RERE: variants seen among roughly 807,000 people sequenced by gnomAD.
RERE encodes arginine-glutamic acid dipeptide repeats protein.
RERE carries 40 observed loss-of-function variants against 146.1 expected under a neutral mutation model. That is an observed-to-expected ratio of 0.27 (90% CI 0.21 to 0.36). The LOEUF is 0.36. RERE is among the 10% of genes least tolerant of loss of function. RERE has a pLI of 1.00. For missense variants in RERE, 1,933 were observed against 2,138.7 expected, an observed-to-expected ratio of 0.90 and a Z score of 1.90; for synonymous variants, 1,003 against 866.0, an observed-to-expected ratio of 1.16 and a Z score of -2.78.
chr1:8,653,390 G>A (rs1173314629), intron 2 of RERE, among the ~76,000 whole-genome samples: 2 of 152,152 alleles, frequency 1.3e-5, no homozygotes, highest in African/African-American at 4.8e-5. Context: ...TCCTTATACT[G>A]AAGTTATCAT....
chr1:8,567,040 C>T (rs975661923), intron 4 of RERE, among the ~76,000 whole-genome samples: 8 of 152,120 alleles, frequency 5.3e-5, no homozygotes, highest in East Asian at 1.9e-4. Context: ...CCGCCTGACT[C>T]GGCCTCCCAA....
chr1:8,529,480 T>TTA (rs1645613714), intron 7 of RERE, among the ~76,000 whole-genome samples: 1 of 116,408 alleles, frequency 8.6e-6, no homozygotes, highest in Non-Finnish European at 1.9e-5. Context: ...TTTTTTTTTT[T>TTA]TAGCAGAGAC....
At chr1:8,749,589 C>T (rs1053232929) in intron 1 of RERE, among the ~76,000 whole-genome samples, 4 of 152,088 alleles carry the variant, frequency 2.6e-5, no homozygotes, top group African/African-American at 9.7e-5. Context: ...ATGATGAATG[C>T]AATACACCTA....
At chr1:8,504,730 ATAAT>A (rs1356120912) in intron 8 of RERE, among the ~76,000 whole-genome samples, 1 of 151,986 alleles carries the variant, frequency 6.6e-6, no homozygotes, top group African/African-American at 2.4e-5. Context: ...GCGGGCGCCT[ATAAT>A]CCCAGCTACT....
chr1:8,733,168 A>T (rs560081049), intron 1 of RERE, among the ~76,000 whole-genome samples: 334 of 151,306 alleles, frequency 2.2e-3, no homozygotes, highest in Non-Finnish European at 3.7e-3. Context: ...AAGTTTATTT[A>T]AAAAAAAAGA....
intron 8 of RERE, among the ~76,000 whole-genome samples, chr1:8,498,223 G>A (rs1341766451): frequency 2.0e-5 from 3 of 151,988 alleles, no homozygotes; most frequent in Admixed American, 2.0e-4. Flanking sequence ...GCCGAGCACG[G>A]TGGCGGGCGC....
intron 1 of RERE, among the ~76,000 whole-genome samples, chr1:8,742,884 A>G (rs1640339084): frequency 6.6e-6 from 1 of 151,818 alleles, no homozygotes; most frequent in Non-Finnish European, 1.5e-5. Context: ...AAAAAAAAAA[A>G]AAGTATAATC....
chr1:8,663,556 C>A (rs1638502036), intron 1 of RERE, among the ~76,000 whole-genome samples: 1 of 152,158 alleles, frequency 6.6e-6, no homozygotes, highest in Non-Finnish European at 1.5e-5. Flanking sequence ...ATCTTTGTGA[C>A]TACAAAACAT....
intron 1 of RERE, among the ~76,000 whole-genome samples, chr1:8,718,366 G>A (rs1344116228): frequency 2.0e-5 from 3 of 152,070 alleles, no homozygotes; most frequent in Admixed American, 1.3e-4. Context: ...GCTGAAGCAG[G>A]GTGCCCGTTT....
At chr1:8,359,670 A>G in intron 19 of RERE, 94 bp downstream of exon 19, 1 of 1,370,862 alleles carries the variant, frequency 7.3e-7, no homozygotes, top group Non-Finnish European at 1.0e-6. Flanking sequence ...AGGCCGAGTC[A>G]GGCAGCCAAG....
intron 1 of RERE, chr1:8,786,764 T>C (rs915320092): frequency 1.0e-5 from 8 of 782,994 alleles, no homozygotes; most frequent in African/African-American, 8.4e-5. Context: ...CTATATTCCT[T>C]GTGATAGCAC....
intron 1 of RERE, among the ~76,000 whole-genome samples, chr1:8,743,269 G>A (rs1344381890): frequency 3.9e-5 from 6 of 151,952 alleles, no homozygotes; most frequent in East Asian, 3.9e-4. Flanking sequence ...ACAGGGGCGC[G>A]TGCCTGTAGT....
At chr1:8,429,657 C>G (rs570200032) in intron 11 of RERE, among the ~76,000 whole-genome samples, 5 of 152,334 alleles carry the variant, frequency 3.3e-5, no homozygotes, top group Admixed American at 2.6e-4. Flanking sequence ...TAGTGTATCA[C>G]AGTCAGAAAC....
At chr1:8,454,179 G>A (rs915044312) in intron 11 of RERE, among the ~76,000 whole-genome samples, 3 of 152,144 alleles carry the variant, frequency 2.0e-5, no homozygotes, top group Non-Finnish European at 2.9e-5. Flanking sequence ...TACTGTCAAT[G>A]GCAAAGCTTA....
At chr1:8,620,386 AG>A (rs1646902817) in intron 3 of RERE, among the ~76,000 whole-genome samples, 3 of 152,168 alleles carry the variant, frequency 2.0e-5, no homozygotes, top group African/African-American at 2.4e-5. Flanking sequence ...TGCTTTTCCC[AG>A]TTTCCTACCC....
At chr1:8,431,327 G>T (rs1389840340) in intron 11 of RERE, among the ~76,000 whole-genome samples, 1 of 152,214 alleles carries the variant, frequency 6.6e-6, no homozygotes, top group East Asian at 1.9e-4. Context: ...ATTGTGAACT[G>T]CGCATGTGAG....
At chr1:8,511,588 T>C (rs1042293731) in intron 7 of RERE, among the ~76,000 whole-genome samples, 1 of 152,134 alleles carries the variant, frequency 6.6e-6, no homozygotes, top group Non-Finnish European at 1.5e-5. Context: ...CACACCACCT[T>C]AGACAAAGCT....
chr1:8,506,061 GA>G (rs796853947), intron 8 of RERE, among the ~76,000 whole-genome samples: 14 of 148,210 alleles, frequency 9.4e-5, no homozygotes, highest in African/African-American at 2.0e-4. Context: ...TTTATGGTAG[GA>G]AAAAAAAAAT....
chr1:8,380,116 C>T (rs971248162), intron 12 of RERE, among the ~76,000 whole-genome samples: 1 of 151,104 alleles, frequency 6.6e-6, no homozygotes, highest in African/African-American at 2.4e-5. Context: ...ATAACCCCAT[C>T]CCTCCCACCC....
Sources: allele counts gnomAD v4.1 joint callset (sites outside exome capture counted in the v4.1 genomes callset), GRCh38; gene constraint gnomAD v4.1.1; transcripts MANE v1.5; gene names NCBI Gene and HGNC (gene_info 2026-07-23, HGNC 2026-07-21).